SYNE3: variants seen among roughly 807,000 people sequenced by gnomAD.
SYNE3 encodes the protein spectrin repeat containing nuclear envelope family member 3.
Under a neutral mutation model 111.2 loss-of-function variants are expected in SYNE3, and 100 were observed. The observed-to-expected ratio is 0.90, with a 90% CI of 0.77 to 1.06. The LOEUF is 1.06. Among genes scored for constraint, SYNE3 ranks in the 50% least tolerant of loss-of-function variants. The probability of loss-of-function intolerance (pLI) is 0.00; values close to 1 mark genes in which losing one functional copy is unlikely to be tolerated. For synonymous variants in SYNE3, 547 were observed against 533.9 expected (o/e 1.02, Z -0.34); for missense variants, 1,160 against 1,240.3 (o/e 0.94, Z 0.97).
chr14:95,468,433 C>G (rs1888328339), intron 2 of SYNE3, among the ~76,000 whole-genome samples: 1 of 152,240 alleles, frequency 6.6e-6, no homozygotes, highest in South Asian at 2.1e-4. Flanking sequence ...CAGGGCCCAG[C>G]TGAGCCTCCA....
At chr14:95,489,052 G>C (rs1889705278) in intron 1 of SYNE3, among the ~76,000 whole-genome samples, 1 of 152,186 alleles carries the variant, frequency 6.6e-6, no homozygotes, top group Non-Finnish European at 1.5e-5. Flanking sequence ...TGGCTAAGGG[G>C]GTGAGCAGCT....
At chr14:95,423,559 A>G (rs1409471345) in intron 17 of SYNE3, among the ~76,000 whole-genome samples, 2 of 55,008 alleles carry the variant, frequency 3.6e-5, no homozygotes, top group Non-Finnish European at 3.2e-5. Flanking sequence ...GGGCATGGGG[A>G]TTTGATGGGG....
rs772347885 is a variant in SYNE3 at position 95,444,589 on chromosome 14, CA to C, written c.1671del (p.Phe557LeufsTer110). 1.2e-6 allele frequency: 2 copies of C among 1,612,300 alleles called. No homozygotes were observed. Among genetic ancestry groups the C allele is most frequent in the African/African-American group, 2.7e-5 (2 of 74,972 alleles). On this transcript the variant is annotated frameshift_variant, in exon 10 of 18. Transcript: ENST00000682763. LOFTEE classifies it high-confidence loss of function. The stretch of plus-strand genomic sequence containing the variant: ...TCCAAGAGCTTCCTCTGCAGGGGCT[CA>C]AAAGCTGCTCCAAAGTCTTTGTGCT... ...LAQHKDFGAA[F>X]EPLQRKLLDL...
At chr14:95,434,873 C>T (rs531561439) in intron 15 of SYNE3, among the ~76,000 whole-genome samples, 112 of 152,286 alleles carry the variant, frequency 7.4e-4, no homozygotes, top group Admixed American at 1.0e-3. Context: ...AGGCTGGTCT[C>T]GAACTCCTGA....
intron 4 of SYNE3, 46 bp from the exon 5 acceptor site, chr14:95,457,384 A>G (rs772099616): frequency 2.5e-6 from 4 of 1,600,790 alleles, no homozygotes; most frequent in Non-Finnish European, 3.4e-6. Flanking sequence ...CCCAGCCCAG[A>G]CAGCCCAAAG....
chr14:95,475,783 C>T lies in SYNE3; in HGVS notation c.39G>A (p.Val13=), dbSNP rs767120737. 1.9e-6 allele frequency: 3 copies of T among 1,599,478 alleles called. No individual in the cohort carries two copies. The South Asian group carries it at 3.4e-5, about 18-fold the overall frequency. The change falls in exon 2 of 18, where the codon GTG becomes GTA. Residue 13 remains valine, a synonymous_variant. Transcript: ENST00000682763. ...CCTTCATCCATGCCTGGGCATCCTCCACGCTCCTGTCAAAGTCGTCCTGGG... is the reference window on the plus strand; with the variant it reads ...CCTTCATCCATGCCTGGGCATCCTCTACGCTCCTGTCAAAGTCGTCCTGGG... ...QQPQDDFDRS[V]EDAQAWMKAV... is the part of the protein sequence containing the mutation.
chr14:95,431,994 C>T (rs1414679405), intron 17 of SYNE3, 85 bp downstream of exon 17: 6 of 1,486,132 alleles, frequency 4.0e-6, no homozygotes, highest in African/African-American at 1.4e-5. Context: ...AGAAAGCCCA[C>T]GAGTCTTGCC....
At chr14:95,514,393 G>A (rs1023769349) in intron 1 of SYNE3, among the ~76,000 whole-genome samples, 2 of 152,156 alleles carry the variant, frequency 1.3e-5, no homozygotes, top group Non-Finnish European at 2.9e-5. Flanking sequence ...CCATGAGGGG[G>A]GTGAGCCAGG....
intron 1 of SYNE3, among the ~76,000 whole-genome samples, chr14:95,496,652 A>C (rs1213368008): frequency 1.3e-5 from 2 of 152,194 alleles, no homozygotes; most frequent in Non-Finnish European, 2.9e-5. Flanking sequence ...AGATAAGAAT[A>C]TGTTTGCCAC....
rs138662680 is a variant in SYNE3 at position 95,481,319 on chromosome 14, G to A, written c.-14-5484C>T. Among the ~76,000 whole-genome samples, 566 of 152,318 alleles carry A rather than the reference G, an allele frequency of 3.7e-3. 5 individuals carry two copies. The highest frequency in any genetic ancestry group is 0.013 in the African/African-American group (530 of 41,570). ...CTGCCCCTGGGAGGAAAGCAAGCCC[G>A]TGTGAGTCAAGGTCCAATCAGCAGA... On this transcript the variant is annotated intron_variant, in intron 1 of 17. Coordinates refer to ENST00000682763, the MANE Select transcript of SYNE3 (RefSeq NM_152592.6).
At chr14:95,511,288 A>G (rs777264757) in intron 1 of SYNE3, among the ~76,000 whole-genome samples, 19 of 152,266 alleles carry the variant, frequency 1.2e-4, no homozygotes, top group Non-Finnish European at 2.2e-4. Flanking sequence ...GACTTCCTGT[A>G]GGAAAGAAGA....
chr14:95,516,540 C>CCCCCGGA (rs1890944197), intron 1 of SYNE3, among the ~76,000 whole-genome samples, 56 bp downstream of exon 1: 1 of 136,964 alleles, frequency 7.3e-6, no homozygotes, highest in Non-Finnish European at 1.6e-5. Flanking sequence ...ACCCGCCCGG[C>CCCCCGGA]CCCCGGCCCC....
At chr14:95,453,684 G>A (rs577858882) in intron 6 of SYNE3, among the ~76,000 whole-genome samples, 46 of 152,332 alleles carry the variant, frequency 3.0e-4, no homozygotes, top group Admixed American at 2.7e-3. Flanking sequence ...AAAGCTGGCC[G>A]GCCTGCAGGA....
intron 11 of SYNE3, among the ~76,000 whole-genome samples, chr14:95,442,434 G>A (rs1328704516): frequency 1.3e-5 from 2 of 152,200 alleles, no homozygotes; most frequent in Non-Finnish European, 2.9e-5. Flanking sequence ...GAAATAGGGC[G>A]TGCAATGTCA....
At chr14:95,431,954 A>G in intron 17 of SYNE3, 125 bp downstream of exon 17, 4 of 1,117,580 alleles carry the variant, frequency 3.6e-6, no homozygotes, top group Non-Finnish European at 5.1e-6. Flanking sequence ...GATCCCCCAT[A>G]AATGTTCTTT....
chr14:95,503,185 T>C (rs1371137268), intron 1 of SYNE3, among the ~76,000 whole-genome samples: 2 of 152,280 alleles, frequency 1.3e-5, no homozygotes, highest in Admixed American at 6.5e-5. Flanking sequence ...CACTGTTTTC[T>C]AGTCCAACCA....
intron 2 of SYNE3, 132 bp from the exon 3 acceptor site, chr14:95,468,099 T>G: frequency 9.0e-7 from 1 of 1,107,392 alleles, no homozygotes; most frequent in South Asian, 1.7e-5. Flanking sequence ...TCACAGCCCC[T>G]GCACCCCTTC....
Position 95,426,816 on chromosome 14 carries a change from C to T in SYNE3, c.2727+5263G>A, listed in dbSNP as rs113508691. Among the ~76,000 whole-genome samples, 15 of 151,434 alleles carry T rather than the reference C, an allele frequency of 9.9e-5. No individual in the cohort carries two copies. In the East Asian group the frequency reaches 1.9e-3, roughly 20 times the overall value. On this transcript the variant is annotated intron_variant, in intron 17 of 17. Transcript: ENST00000682763. ...AAAATTAGCCAGGCGTGGTGGCAGG[C>T]GCCTGTAGTCCCAGCTACTTGGGAG...
intron 1 of SYNE3, among the ~76,000 whole-genome samples, chr14:95,486,339 C>T (rs181522195): frequency 6.6e-6 from 1 of 152,210 alleles, no homozygotes; most frequent in Admixed American, 6.5e-5. Flanking sequence ...GACAACATGG[C>T]ACTGACACCT....
Sources: allele counts gnomAD v4.1 joint callset (sites outside exome capture counted in the v4.1 genomes callset), GRCh38; gene constraint gnomAD v4.1.1; transcripts MANE v1.5; gene names NCBI Gene and HGNC (gene_info 2026-07-23, HGNC 2026-07-21).